Variants in TOX2 observed in about 807,000 individuals in gnomAD.
TOX2 encodes granulosa cell HMG box 1.
TOX2 carries 15 observed loss-of-function variants against 47.4 expected under a neutral mutation model. The observed-to-expected ratio is 0.32, with a 90% CI of 0.21 to 0.49. The LOEUF (loss-of-function observed/expected upper bound fraction) is 0.49. Ranked by LOEUF, TOX2 falls within the 20% of genes least tolerant of loss-of-function variation. TOX2 has a pLI of 0.99. For missense variants in TOX2, 622 were observed against 673.1 expected, an observed-to-expected ratio of 0.92 and a Z score of 0.84; for synonymous variants, 290 against 296.6, an observed-to-expected ratio of 0.98 and a Z score of 0.23.
At chr20:43,976,760 A>T (rs1044164061) in intron 2 of TOX2, among the ~76,000 whole-genome samples, 1 of 150,016 alleles carries the variant, frequency 6.7e-6, no homozygotes, top group African/African-American at 2.5e-5. Flanking sequence ...GTGCTTCTTG[A>T]ACTCACAACG....
rs936575560 is a variant in TOX2, at chr20:43,916,287, G to C, written c.99+1297G>C. The stretch of plus-strand genomic sequence containing the variant: ...TCGCAGGCTTTTCGTCAGGCCCCTG[G>C]TAGTGGGGATGAGGCAGGAGAGAGG... On this transcript the variant is annotated intron_variant, in intron 1 of 8. Transcript: ENST00000341197. The surrounding 1 kb of genome is among the most constrained non-coding windows in gnomAD (Gnocchi z 5.0). The C allele has an allele frequency of 3.1e-6, 3 of 954,570 alleles. No individual in the cohort carries two copies. In the African/African-American group the frequency reaches 5.3e-5, roughly 17 times the overall value. 59.1% of individuals were successfully genotyped at this position (954,570 alleles called of 1,614,324 possible).
chr20:44,046,651 G>A (rs1282361255), intron 3 of TOX2, among the ~76,000 whole-genome samples: 1 of 152,178 alleles, frequency 6.6e-6, no homozygotes, highest in African/African-American at 2.4e-5. Flanking sequence ...GCTACCACAT[G>A]GATGAACCTT....
At chr20:43,921,255 G>A (rs1467270217) in intron 1 of TOX2, among the ~76,000 whole-genome samples, 1 of 152,188 alleles carries the variant, frequency 6.6e-6, no homozygotes, top group Non-Finnish European at 1.5e-5. Context: ...CCTTGGTCCA[G>A]CAGTCCCCCT....
Position 44,006,571 on chromosome 20 carries a change from A to G in TOX2, c.190A>G (p.Asn64Asp), listed in dbSNP as rs1239448749. Residue 64 changes from asparagine to aspartate, a missense_variant, in exon 3 of 9, where the codon AAC (asparagine) becomes GAC (aspartate). By Grantham distance (23) the Asn-to-Asp change is conservative. This residue lies in a region of TOX2 where 307 missense variants were observed against 327.3 expected (regional missense o/e 0.94). Transcript: ENST00000341197. ...GACCTACAACGGCCAGAGCGAGAAC[A>G]ACGAAGACTATGAGATCCCCCCGAT... Reference protein sequence around the residue: ...SQTYNGQSENNEDYEIPPITP... With the variant: ...SQTYNGQSENDEDYEIPPITP... 10 of 1,613,788 alleles carry G rather than the reference A, an allele frequency of 6.2e-6. No individual in the cohort carries two copies. The highest frequency in any genetic ancestry group is 8.5e-6 in the Non-Finnish European group (10 of 1,179,988).
intron 3 of TOX2, among the ~76,000 whole-genome samples, chr20:44,028,538 T>G (rs183180453): frequency 6.6e-6 from 1 of 152,336 alleles, no homozygotes; most frequent in East Asian, 1.9e-4. Flanking sequence ...CACACTTTTA[T>G]TAAGCCCCTA....
chr20:43,985,629 G>A (rs1477837758), intron 2 of TOX2, among the ~76,000 whole-genome samples: 1 of 152,160 alleles, frequency 6.6e-6, no homozygotes, highest in Admixed American at 6.5e-5. Context: ...TTAGCCTGAG[G>A]TGCTACTAAA....
chr20:43,930,425 A>C (rs2069237455), intron 1 of TOX2, among the ~76,000 whole-genome samples: 1 of 152,242 alleles, frequency 6.6e-6, no homozygotes, highest in African/African-American at 2.4e-5. Flanking sequence ...GCTGAGTCCA[A>C]GGAGGAAAGT....
chr20:44,041,046 C>T (rs552152096), intron 3 of TOX2, among the ~76,000 whole-genome samples: 1 of 152,256 alleles, frequency 6.6e-6, no homozygotes, highest in East Asian at 1.9e-4. Context: ...GGAGGGGCTG[C>T]AGGAATCAGG....
intron 2 of TOX2, among the ~76,000 whole-genome samples, chr20:43,994,224 G>A (rs1352031468): frequency 6.6e-6 from 1 of 151,998 alleles, no homozygotes; most frequent in African/African-American, 2.4e-5. Context: ...CAGCACTTTG[G>A]GAGGCCAAGG....
rs1045655988 is a variant in TOX2, at chr20:43,946,015, A to G, written c.100-27352A>G. ...CCTTCTACTTGCAAGACACTGGTGC[A>G]TTGCAGGTGTGTTTCCGCAGAAGGT... On this transcript the variant is annotated intron_variant, in intron 1 of 8. Coordinates refer to ENST00000341197, the MANE Select transcript of TOX2 (RefSeq NM_001098797.2). 2.5e-6 allele frequency: 4 copies of G among 1,613,916 alleles called. No individual in the cohort carries two copies. In the African/African-American group the frequency reaches 4.0e-5, roughly 16 times the overall value.
At chr20:44,013,905 A>T (rs2070826391) in intron 3 of TOX2, among the ~76,000 whole-genome samples, 1 of 152,084 alleles carries the variant, frequency 6.6e-6, no homozygotes, top group South Asian at 2.1e-4. Context: ...CAAGATGGGC[A>T]GATCACTTGA....
At chr20:43,933,575 CTTGTGCGAGAGG>C (rs1209450318) in intron 1 of TOX2, among the ~76,000 whole-genome samples, 3 of 152,162 alleles carry the variant, frequency 2.0e-5, no homozygotes, top group African/African-American at 7.2e-5. Flanking sequence ...GACGAGGGTT[CTTGTGCGAGAGG>C]TTTGGTGGGG....
chr20:43,988,698 C>T (rs1184340288), intron 2 of TOX2, among the ~76,000 whole-genome samples: 1 of 152,178 alleles, frequency 6.6e-6, no homozygotes, highest in Non-Finnish European at 1.5e-5. Flanking sequence ...GAGCTAATAT[C>T]TGGTGATGAA....
intron 2 of TOX2, among the ~76,000 whole-genome samples, chr20:43,999,119 A>G (rs2070532697): frequency 6.6e-6 from 1 of 152,186 alleles, no homozygotes; most frequent in African/African-American, 2.4e-5. Flanking sequence ...ATTATAAACC[A>G]TATGCTGTAT....
chr20:43,952,186 C>T (rs754921363), intron 1 of TOX2, among the ~76,000 whole-genome samples: 16 of 152,134 alleles, frequency 1.1e-4, no homozygotes, highest in East Asian at 1.9e-4. Context: ...CAGGCGTGAG[C>T]CACTGCGCCC....
intron 1 of TOX2, among the ~76,000 whole-genome samples, chr20:43,949,788 C>T (rs530019437): frequency 3.0e-4 from 46 of 152,328 alleles, no homozygotes; most frequent in African/African-American, 1.1e-3. Flanking sequence ...GTCCCCTTCC[C>T]TGTGCCCGCT....
At chr20:43,933,906 C>T (rs1449849836) in intron 1 of TOX2, among the ~76,000 whole-genome samples, 1 of 152,002 alleles carries the variant, frequency 6.6e-6, no homozygotes, top group African/African-American at 2.4e-5. Flanking sequence ...CTGAGGATGG[C>T]CTTGAGGAGG....
At chr20:43,923,255 G>A (rs1028207157) in intron 1 of TOX2, among the ~76,000 whole-genome samples, 2 of 152,164 alleles carry the variant, frequency 1.3e-5, no homozygotes, top group African/African-American at 4.8e-5. Context: ...CCAGGGGTAC[G>A]GTGCACAAGT....
intron 3 of TOX2, among the ~76,000 whole-genome samples, chr20:44,030,591 C>T (rs2071134408): frequency 6.6e-6 from 1 of 152,224 alleles, no homozygotes; most frequent in African/African-American, 2.4e-5. Flanking sequence ...CCCAGTGTGC[C>T]CTTGACCGCT....
Sources: allele counts gnomAD v4.1 joint callset (sites outside exome capture counted in the v4.1 genomes callset), GRCh38; gene constraint gnomAD v4.1.1; regional missense constraint gnomAD v4.1.1; non-coding constraint Gnocchi (gnomAD v3.1); transcripts MANE v1.5; gene names NCBI Gene and HGNC (gene_info 2026-07-23, HGNC 2026-07-21).